The following CHL1 variants were observed in gnomAD, a reference collection of about 807,000 sequenced individuals.
The protein encoded by CHL1 is cell adhesion molecule L1 like.
In CHL1, 96 loss-of-function variants were observed where a neutral mutation model predicts 141.9. The ratio of observed to expected loss-of-function variants is 0.68; its 90% CI spans 0.57 to 0.80. The LOEUF (loss-of-function observed/expected upper bound fraction) is 0.80, where lower values mean the gene tolerates loss of function less well. Ranked by LOEUF, CHL1 falls within the 30% of genes least tolerant of loss-of-function variation. The pLI is 0.00. For missense variants in CHL1, 1,820 were observed against 1,457.2 expected (o/e 1.25, Z -4.05); for synonymous variants, 613 against 502.2 (o/e 1.22, Z -2.95).
chr3:322,756 A>G (rs1291525680), intron 3 of CHL1, among the ~76,000 whole-genome samples: 2 of 149,312 alleles, frequency 1.3e-5, no homozygotes, highest in Admixed American at 6.7e-5. Context: ...AGGCAGTAGG[A>G]TCATTTGAGC....
chr3:275,862 G>A (rs1206933129), intron 2 of CHL1, among the ~76,000 whole-genome samples: 2 of 151,856 alleles, frequency 1.3e-5, no homozygotes, highest in Non-Finnish European at 2.9e-5. Context: ...AATATTATTA[G>A]CAATCATGAT....
intron 5 of CHL1, among the ~76,000 whole-genome samples, chr3:331,101 A>G (rs1044135610): frequency 6.6e-6 from 1 of 152,198 alleles, no homozygotes; most frequent in Admixed American, 6.5e-5. Flanking sequence ...TGAACAGTGA[A>G]AGGAAAAAAT....
chr3:321,942 G>T (rs73009521), intron 3 of CHL1, among the ~76,000 whole-genome samples: 1 of 151,846 alleles, frequency 6.6e-6, no homozygotes, highest in Non-Finnish European at 1.5e-5. Context: ...TATTAGCTCC[G>T]TTCCCCAAAT....
chr3:390,637 A>G, intron 20 of CHL1, 64 bp from the exon 21 acceptor site: 2 of 972,398 alleles, frequency 2.1e-6, no homozygotes, highest in Non-Finnish European at 1.6e-6. Flanking sequence ...AAAATTTTTG[A>G]AAAGGATCCT....
In CHL1 at chr3:244,596, T is replaced by C. The variant is rs1343601992; in HGVS notation, c.-174-17T>C. The C allele has an allele frequency of 1.3e-5, 2 of 152,206 alleles. No individual in the cohort carries two copies. The highest frequency in any genetic ancestry group is 2.9e-5 in the Non-Finnish European group (2 of 68,040). The allele number at this position is 152,206 out of a possible 1,614,324, so 9.4% of individuals were successfully genotyped here. On this transcript the variant is annotated splice_polypyrimidine_tract_variant and intron_variant, in intron 1 of 27. Transcript: ENST00000256509. ...GATAATTGTTTCCAAAATTACAACT[T>C]TCTAATCTATCCCTAGGTGCTGTAA... is the stretch of plus-strand genomic sequence containing the variant.
At chr3:242,130 G>A (rs926367815) in intron 1 of CHL1, among the ~76,000 whole-genome samples, 3 of 152,040 alleles carry the variant, frequency 2.0e-5, no homozygotes, top group Non-Finnish European at 2.9e-5. Flanking sequence ...AAGATTAAAA[G>A]GAGAGAAATG....
At chr3:283,283 G>A (rs1696826454) in intron 2 of CHL1, among the ~76,000 whole-genome samples, 2 of 152,162 alleles carry the variant, frequency 1.3e-5, no homozygotes, top group South Asian at 4.1e-4. Flanking sequence ...ATGTTTGCAT[G>A]TATCTTTTTT....
At chr3:277,202 T>A (rs973410136) in intron 2 of CHL1, among the ~76,000 whole-genome samples, 2 of 152,158 alleles carry the variant, frequency 1.3e-5, no homozygotes, top group African/African-American at 2.4e-5. Context: ...TAGATTTTTT[T>A]TAAAAAATTA....
At chr3:212,197 T>A (rs777741646) in intron 1 of CHL1, among the ~76,000 whole-genome samples, 2 of 151,968 alleles carry the variant, frequency 1.3e-5, no homozygotes, top group Non-Finnish European at 2.9e-5. Context: ...CTACAACGAG[T>A]TTGCATTAAA....
intron 15 of CHL1, among the ~76,000 whole-genome samples, chr3:373,042 A>T (rs1255678672): frequency 6.6e-6 from 1 of 152,138 alleles, no homozygotes. Context: ...ACTCCTATAT[A>T]GGGTGTCTGA....
chr3:272,098 C>A (rs1042637690), intron 2 of CHL1, among the ~76,000 whole-genome samples: 1 of 152,014 alleles, frequency 6.6e-6, no homozygotes, highest in African/African-American at 2.4e-5. Flanking sequence ...GATAATCTTA[C>A]CAGTTGCTAT....
intron 7 of CHL1, 107 bp downstream of exon 7, chr3:342,189 T>G: frequency 4.1e-6 from 4 of 975,998 alleles, no homozygotes; most frequent in Non-Finnish European, 6.0e-6. Context: ...TTTGCACCAT[T>G]GTGCAGTTCA....
intron 5 of CHL1, among the ~76,000 whole-genome samples, chr3:336,030 A>C (rs1701835409): frequency 6.6e-6 from 1 of 152,240 alleles, no homozygotes; most frequent in South Asian, 2.1e-4. Flanking sequence ...AGGTGTTATT[A>C]CATTTCCCAC....
intron 2 of CHL1, among the ~76,000 whole-genome samples, chr3:250,763 T>G (rs970241552): frequency 2.0e-5 from 3 of 152,152 alleles, no homozygotes; most frequent in African/African-American, 7.2e-5. Context: ...CATTATGCTT[T>G]GTATATTTTA....
chr3:365,920 C>A, intron 14 of CHL1, 30 bp from the exon 15 acceptor site: 1 of 1,588,890 alleles, frequency 6.3e-7, no homozygotes, highest in Non-Finnish European at 8.6e-7. Context: ...ACGCTTAGTT[C>A]TAACTAATAT....
At chr3:241,087 A>G (rs1464380368) in intron 1 of CHL1, among the ~76,000 whole-genome samples, 1 of 152,190 alleles carries the variant, frequency 6.6e-6, no homozygotes, top group Non-Finnish European at 1.5e-5. Flanking sequence ...GGAACTCAAG[A>G]TTTCTTATGT....
At chr3:376,344 T>C in intron 15 of CHL1, 1 of 499,488 alleles carries the variant, frequency 2.0e-6, no homozygotes, top group South Asian at 1.5e-5. Context: ...CATGTTCAAA[T>C]GCAATGGCCC....
intron 3 of CHL1, among the ~76,000 whole-genome samples, chr3:320,938 G>C (rs2125042383): frequency 6.6e-6 from 1 of 152,066 alleles, no homozygotes; most frequent in South Asian, 2.1e-4. Context: ...TAGAATTTTA[G>C]CATTGCAGGT....
intron 2 of CHL1, among the ~76,000 whole-genome samples, chr3:261,780 G>C (rs548138503): frequency 5.9e-5 from 9 of 152,168 alleles, no homozygotes; most frequent in African/African-American, 1.9e-4. Flanking sequence ...TGAATAAAAA[G>C]ATAATAATTG....
Sources: allele counts gnomAD v4.1 joint callset (sites outside exome capture counted in the v4.1 genomes callset), GRCh38; gene constraint gnomAD v4.1.1; transcripts MANE v1.5; gene names NCBI Gene and HGNC (gene_info 2026-07-23, HGNC 2026-07-21).